Variants in NRG1 observed in about 807,000 individuals in gnomAD.
NRG1 encodes pro-neuregulin-1, membrane-bound isoform.
NRG1 carries 18 observed loss-of-function variants against 63.8 expected under a neutral mutation model. That is an observed-to-expected ratio of 0.28 (90% confidence interval 0.19 to 0.42). The LOEUF (loss-of-function observed/expected upper bound fraction) is 0.42, where lower values mean the gene tolerates loss of function less well. NRG1 is among the 10% of genes least tolerant of loss of function. The pLI, the probability that NRG1 is intolerant of heterozygous loss-of-function variation, is 1.00. For missense variants in NRG1, 762 were observed against 814.7 expected, an observed-to-expected ratio of 0.94 and a Z score of 0.79; for synonymous variants, 302 against 301.3, an observed-to-expected ratio of 1.00 and a Z score of -0.02.
At chr8:32,271,304 ATT>A (rs1386951465) in intron 1 of NRG1, among the ~76,000 whole-genome samples, 2 of 152,196 alleles carry the variant, frequency 1.3e-5, no homozygotes, top group Non-Finnish European at 2.9e-5. Flanking sequence ...TTCAAACTTG[ATT>A]AACAACAGAG....
intron 1 of NRG1, among the ~76,000 whole-genome samples, chr8:32,175,806 C>G (rs1840657734): frequency 6.6e-6 from 1 of 152,152 alleles, no homozygotes; most frequent in Non-Finnish European, 1.5e-5. Context: ...AGGAGAATTA[C>G]AAACCACTGC....
chr8:31,759,817 A>G (rs1024485793), intron 1 of NRG1, among the ~76,000 whole-genome samples: 5 of 152,142 alleles, frequency 3.3e-5, no homozygotes, highest in African/African-American at 1.2e-4. Flanking sequence ...TATGTTTACA[A>G]CATTTAGTTT....
At chr8:32,696,788 G>A (rs1389844711) in intron 5 of NRG1, among the ~76,000 whole-genome samples, 1 of 150,792 alleles carries the variant, frequency 6.6e-6, no homozygotes, top group Non-Finnish European at 1.5e-5. Flanking sequence ...CAGCCTCCAA[G>A]TAGCTGGGAT....
At chr8:32,046,084 TAAAAATC>T (rs1820949760) in intron 1 of NRG1, among the ~76,000 whole-genome samples, 1 of 151,688 alleles carries the variant, frequency 6.6e-6, no homozygotes, top group South Asian at 2.1e-4. Flanking sequence ...TGAAAACTCT[TAAAAATC>T]AATGGCAAAA....
At chr8:32,045,983 C>A (rs918163913) in intron 1 of NRG1, among the ~76,000 whole-genome samples, 1 of 151,894 alleles carries the variant, frequency 6.6e-6, no homozygotes, top group African/African-American at 2.4e-5. Flanking sequence ...CTGTAAAAGA[C>A]ACTATAAGAG....
At chr8:32,066,960 G>T (rs1288298816) in intron 1 of NRG1, among the ~76,000 whole-genome samples, 1 of 152,018 alleles carries the variant, frequency 6.6e-6, no homozygotes, top group Admixed American at 6.6e-5. Context: ...ATTGTGAATG[G>T]GAGTTCACTC....
chr8:32,008,456 A>G (rs1002227356), intron 1 of NRG1, among the ~76,000 whole-genome samples: 1 of 152,062 alleles, frequency 6.6e-6, no homozygotes, highest in African/African-American at 2.4e-5. Flanking sequence ...TTGGAAATCA[A>G]TTCATTGTAA....
At chr8:32,559,083 G>GGA (rs765359338) in intron 1 of NRG1, among the ~76,000 whole-genome samples, 1 of 86,802 alleles carries the variant, frequency 1.2e-5, no homozygotes, top group African/African-American at 4.7e-5. Context: ...TTGTCTCAGC[G>GGA]AAAAAAAAAA....
At chr8:32,659,151 T>C (rs180858874) in intron 5 of NRG1, among the ~76,000 whole-genome samples, 3,545 of 142,942 alleles carry the variant, frequency 0.025, 147 homozygotes, top group African/African-American at 0.096. Context: ...CTTTTCTTTT[T>C]TTTTTTTTTT....
chr8:31,886,344 A>T (rs1830715087), intron 1 of NRG1, among the ~76,000 whole-genome samples: 1 of 151,968 alleles, frequency 6.6e-6, no homozygotes, highest in Non-Finnish European at 1.5e-5. Context: ...GTTTTAGTGT[A>T]TTTTTTTCTA....
intron 1 of NRG1, among the ~76,000 whole-genome samples, chr8:32,575,672 A>C (rs1839492537): frequency 6.6e-6 from 1 of 152,220 alleles, no homozygotes; most frequent in Non-Finnish European, 1.5e-5. Flanking sequence ...TAAAGTAGGA[A>C]ATTTTGAGAG....
chr8:32,432,314 T>G (rs1185629955), intron 1 of NRG1, among the ~76,000 whole-genome samples: 2 of 152,170 alleles, frequency 1.3e-5, no homozygotes, highest in African/African-American at 4.8e-5. Flanking sequence ...TTACATTTAT[T>G]AATTCATTTA....
At chr8:32,488,056 CCTG>C (rs1354866739) in intron 1 of NRG1, among the ~76,000 whole-genome samples, 2 of 152,156 alleles carry the variant, frequency 1.3e-5, no homozygotes, top group African/African-American at 4.8e-5. Flanking sequence ...TGAAAGGCAT[CCTG>C]CTGGCTAATT....
intron 1 of NRG1, among the ~76,000 whole-genome samples, chr8:32,574,839 C>T (rs1050910107): frequency 3.9e-5 from 6 of 152,190 alleles, no homozygotes; most frequent in African/African-American, 1.4e-4. Flanking sequence ...AATGTGTAAT[C>T]TTTGTTTCAT....
chr8:32,697,494 G>C (rs550727074), intron 5 of NRG1, among the ~76,000 whole-genome samples: 1 of 152,172 alleles, frequency 6.6e-6, no homozygotes, highest in East Asian at 1.9e-4. Flanking sequence ...TGATAATGTT[G>C]GACCATCTTC....
rs186758349 is a variant in NRG1, at chr8:32,059,715, C to T, written c.37+420284C>T. 2.5e-3 allele frequency among the ~76,000 whole-genome samples: 377 copies of T among 152,014 alleles called. 1 individual carries two copies. The highest frequency in any genetic ancestry group is 8.6e-3 in the African/African-American group (356 of 41,514). On this transcript the variant is annotated intron_variant, in intron 1 of 10. Coordinates refer to the NRG1 transcript ENST00000519301. ...ATTATTTTAGGTATTTACATGTTTT[C>T]GATGACATACTTGAGAATCCTTTTT...
At chr8:32,548,998 T>A (rs935206725) in intron 1 of NRG1, among the ~76,000 whole-genome samples, 172 bp downstream of exon 1, 5 of 152,086 alleles carry the variant, frequency 3.3e-5, no homozygotes, top group Admixed American at 3.3e-4. Context: ...GGGCCGCCGC[T>A]CACCTGGGCG....
chr8:31,677,458 A>T (rs1190414559), intron 1 of NRG1, among the ~76,000 whole-genome samples: 2 of 151,986 alleles, frequency 1.3e-5, no homozygotes, highest in South Asian at 2.1e-4. Flanking sequence ...CTCCTATAAC[A>T]TTTTTCTAAC....
At chr8:31,665,656 G>T (rs1401502480) in intron 1 of NRG1, among the ~76,000 whole-genome samples, 1 of 152,166 alleles carries the variant, frequency 6.6e-6, no homozygotes, top group Non-Finnish European at 1.5e-5. Context: ...GATTTACGTA[G>T]TCAACCTTTA....
Sources: gnomAD v4.1 joint callset for allele counts (sites outside exome capture counted in the v4.1 genomes callset) on GRCh38, gnomAD v4.1.1 for gene constraint, MANE v1.5 for transcripts, NCBI Gene and HGNC (gene_info 2026-07-23, HGNC 2026-07-21) for gene names.